Variants in CTNND2 observed in about 807,000 individuals in gnomAD.
CTNND2 encodes the protein catenin delta-2.
Under a neutral mutation model 144.4 loss-of-function variants are expected in CTNND2, and 22 were observed. That is an observed-to-expected ratio of 0.15 (90% CI 0.11 to 0.22). The LOEUF is 0.22. Among genes scored for constraint, CTNND2 ranks in the 10% least tolerant of loss-of-function variants. The probability of loss-of-function intolerance (pLI) is 1.00; values close to 1 mark genes in which losing one functional copy is unlikely to be tolerated. For synonymous variants in CTNND2, 751 were observed against 695.6 expected (o/e 1.08, Z -1.25); for missense variants, 1,353 against 1,618.8 (o/e 0.84, Z 2.82).
Position 11,904,378 on chromosome 5 carries a change from C to T in CTNND2, c.-525G>A, listed in dbSNP as rs1738167101. The stretch of plus-strand genomic sequence containing the variant: ...GCAGCCTCAGCCTCCACCTAAACCT[C>T]GGCGGCCGGCCCGGGCGCCCGGCTA... On this transcript the variant is annotated 5_prime_UTR_variant, in exon 1 of 22. Coordinates refer to ENST00000304623, the MANE Select transcript of CTNND2 (RefSeq NM_001332.4). The surrounding 1 kb of genome is among the most constrained non-coding windows in gnomAD (Gnocchi z 4.2). 6.6e-6 allele frequency among the ~76,000 whole-genome samples: 1 copy of T among 151,188 alleles called. No individual in the cohort carries two copies. Among genetic ancestry groups the T allele is most frequent in the Non-Finnish European group, 1.5e-5 (1 of 67,744 alleles).
chr5:11,538,628 A>G (rs916073499), intron 3 of CTNND2, among the ~76,000 whole-genome samples: 3 of 152,172 alleles, frequency 2.0e-5, no homozygotes, highest in African/African-American at 7.2e-5. Context: ...TTTATTTATA[A>G]TATTCTATAT....
At chr5:11,338,107 T>C (rs1753897954) in intron 9 of CTNND2, among the ~76,000 whole-genome samples, 1 of 152,084 alleles carries the variant, frequency 6.6e-6, no homozygotes, top group African/African-American at 2.4e-5. Flanking sequence ...AGACCAAATA[T>C]AAGAAACACA....
chr5:11,456,991 CAACAAT>C (rs1765786852), intron 3 of CTNND2, among the ~76,000 whole-genome samples: 1 of 152,148 alleles, frequency 6.6e-6, no homozygotes, highest in African/African-American at 2.4e-5. Flanking sequence ...TGTAAAATAA[CAACAAT>C]AATAAAATTA....
At chr5:11,669,023 A>G (rs1002944045) in intron 2 of CTNND2, among the ~76,000 whole-genome samples, 2 of 152,174 alleles carry the variant, frequency 1.3e-5, no homozygotes, top group African/African-American at 4.8e-5. Context: ...TGAGATAATC[A>G]TGTGGTTTTT....
chr5:11,551,776 T>G (rs891424026), intron 3 of CTNND2, among the ~76,000 whole-genome samples: 5 of 152,092 alleles, frequency 3.3e-5, no homozygotes, highest in African/African-American at 1.2e-4. Flanking sequence ...TTTTTTTGTA[T>G]TTTTAGTAGG....
intron 10 of CTNND2, among the ~76,000 whole-genome samples, chr5:11,220,591 C>T (rs901519003): frequency 1.3e-5 from 2 of 152,274 alleles, no homozygotes; most frequent in African/African-American, 2.4e-5. Context: ...TCAGTAGCAA[C>T]GATAATCCCC....
At chr5:11,784,967 T>C (rs1790749949) in intron 1 of CTNND2, among the ~76,000 whole-genome samples, 2 of 152,240 alleles carry the variant, frequency 1.3e-5, no homozygotes, top group South Asian at 2.1e-4. Flanking sequence ...TGTGCTAATT[T>C]GTTATGCAGC....
At chr5:11,566,770 G>A (rs1463951410) in intron 2 of CTNND2, among the ~76,000 whole-genome samples, 1 of 152,212 alleles carries the variant, frequency 6.6e-6, no homozygotes, top group East Asian at 1.9e-4. Context: ...TTCAGGTGGT[G>A]ACTTCTCCAT....
At chr5:11,501,659 G>A (rs771093698) in intron 3 of CTNND2, among the ~76,000 whole-genome samples, 1 of 152,106 alleles carries the variant, frequency 6.6e-6, no homozygotes, top group Non-Finnish European at 1.5e-5. Flanking sequence ...GGGAACGCTG[G>A]GAGGTAATTA....
At chr5:11,188,869 C>T (rs568628492) in intron 11 of CTNND2, among the ~76,000 whole-genome samples, 5 of 152,304 alleles carry the variant, frequency 3.3e-5, no homozygotes, top group South Asian at 2.1e-4. Flanking sequence ...GATCATTATC[C>T]GGGGCTTTTC....
At chr5:11,777,813 T>C (rs947222043) in intron 1 of CTNND2, among the ~76,000 whole-genome samples, 10 of 152,198 alleles carry the variant, frequency 6.6e-5, no homozygotes, top group Non-Finnish European at 1.3e-4. Flanking sequence ...GCTCTCTAAA[T>C]AACCTTAGGT....
At chr5:11,395,653 G>A (rs754911846) in intron 6 of CTNND2, among the ~76,000 whole-genome samples, 1 of 152,190 alleles carries the variant, frequency 6.6e-6, no homozygotes, top group Non-Finnish European at 1.5e-5. Flanking sequence ...TGTTTTATCA[G>A]TTCCTCTTAC....
chr5:11,126,750 CTCT>C (rs796810071), intron 12 of CTNND2, among the ~76,000 whole-genome samples: 11 of 152,308 alleles, frequency 7.2e-5, no homozygotes, highest in African/African-American at 2.6e-4. Flanking sequence ...GAAAATTTTA[CTCT>C]TCATCTGTTT....
intron 8 of CTNND2, among the ~76,000 whole-genome samples, chr5:11,355,356 T>C (rs939072638): frequency 6.6e-6 from 1 of 152,126 alleles, no homozygotes; most frequent in Non-Finnish European, 1.5e-5. Flanking sequence ...AATTATTTAA[T>C]ACATGTAAAT....
intron 1 of CTNND2, among the ~76,000 whole-genome samples, chr5:11,776,061 G>C (rs1269219211): frequency 6.6e-6 from 1 of 152,164 alleles, no homozygotes; most frequent in Non-Finnish European, 1.5e-5. Context: ...GAGGGAGCAT[G>C]GGTGGCCCTT....
intron 11 of CTNND2, among the ~76,000 whole-genome samples, chr5:11,183,017 T>TCTGAGATC (rs1441583838): frequency 1.3e-5 from 2 of 152,222 alleles, no homozygotes. Context: ...GACATAGTGT[T>TCTGAGATC]TGCTTTTGGG....
chr5:11,552,409 A>T (rs955467548), intron 3 of CTNND2, among the ~76,000 whole-genome samples: 2 of 152,202 alleles, frequency 1.3e-5, no homozygotes, highest in African/African-American at 2.4e-5. Context: ...TTCTATATTT[A>T]AAAAAAGCTA....
intron 9 of CTNND2, among the ~76,000 whole-genome samples, chr5:11,245,991 C>T (rs1017633478): frequency 1.3e-5 from 2 of 152,146 alleles, no homozygotes; most frequent in African/African-American, 4.8e-5. Flanking sequence ...TCAGTAGGGC[C>T]CAGTAGCTTT....
intron 2 of CTNND2, among the ~76,000 whole-genome samples, chr5:11,694,116 T>C (rs1785033960): frequency 6.6e-6 from 1 of 152,114 alleles, no homozygotes; most frequent in Non-Finnish European, 1.5e-5. Flanking sequence ...TGAGGGCTAT[T>C]TTAAACAATG....
Sources: gnomAD v4.1 joint callset for allele counts (sites outside exome capture counted in the v4.1 genomes callset) on GRCh38, gnomAD v4.1.1 for gene constraint, Gnocchi (gnomAD v3.1) non-coding constraint, MANE v1.5 for transcripts, NCBI Gene and HGNC (gene_info 2026-07-23, HGNC 2026-07-21) for gene names.